Variants in LUZP2 observed in about 807,000 individuals in gnomAD.
LUZP2 encodes the protein leucine zipper protein 2.
Under a neutral mutation model 51.6 loss-of-function variants are expected in LUZP2, and 52 were observed. The ratio of observed to expected loss-of-function variants is 1.01; its 90% confidence interval spans 0.81 to 1.27. LUZP2 has a LOEUF of 1.27. Among genes scored for constraint, LUZP2 ranks in the 50% most tolerant of loss-of-function variants. LUZP2 has a pLI of 0.00. For missense variants in LUZP2, 436 were observed against 395.4 expected, an observed-to-expected ratio of 1.10 and a Z score of -0.87; for synonymous variants, 154 against 137.3, an observed-to-expected ratio of 1.12 and a Z score of -0.85.
chr11:24,640,564 A>T (rs1476273858), intron 1 of LUZP2, among the ~76,000 whole-genome samples: 1 of 151,932 alleles, frequency 6.6e-6, no homozygotes, highest in African/African-American at 2.4e-5. Flanking sequence ...TACAAAAGAT[A>T]AAATACTTTA....
At chr11:25,059,616 T>C (rs1308337645) in intron 10 of LUZP2, among the ~76,000 whole-genome samples, 2 of 152,194 alleles carry the variant, frequency 1.3e-5, no homozygotes. Flanking sequence ...CTGATGTTTC[T>C]GCCTTGAGGG....
chr11:24,744,727 G>A (rs1337299748), intron 4 of LUZP2, among the ~76,000 whole-genome samples: 2 of 151,910 alleles, frequency 1.3e-5, no homozygotes, highest in Admixed American at 6.6e-5. Context: ...TCTGATCTTG[G>A]TTATTTCCTT....
chr11:24,892,060 A>T (rs1261263461), intron 5 of LUZP2: 1 of 985,408 alleles, frequency 1.0e-6, no homozygotes, highest in Non-Finnish European at 1.2e-6. Flanking sequence ...CTGCTGTTCC[A>T]CTGGGAGCTG....
intron 7 of LUZP2, among the ~76,000 whole-genome samples, chr11:24,924,691 T>C (rs1419967043): frequency 6.6e-6 from 1 of 152,200 alleles, no homozygotes; most frequent in African/African-American, 2.4e-5. Context: ...CTTGGTTTTA[T>C]ACATTTTAGG....
chr11:25,030,917 A>T (rs1230813584), intron 9 of LUZP2, among the ~76,000 whole-genome samples: 707 of 18,598 alleles, frequency 0.038, 54 homozygotes, highest in African/African-American at 0.25. Context: ...TATATATTGT[A>T]TTATATATAT....
At chr11:24,875,163 A>T (rs2134276858) in intron 5 of LUZP2, among the ~76,000 whole-genome samples, 1 of 151,556 alleles carries the variant, frequency 6.6e-6, no homozygotes, top group East Asian at 2.0e-4. Flanking sequence ...CAGGTTAGTT[A>T]CATATGTATA....
intron 5 of LUZP2, among the ~76,000 whole-genome samples, chr11:24,863,502 G>A (rs1454196353): frequency 6.6e-6 from 1 of 151,856 alleles, no homozygotes; most frequent in Non-Finnish European, 1.5e-5. Flanking sequence ...GAGTAGGCAA[G>A]TGCATACAGA....
intron 5 of LUZP2, among the ~76,000 whole-genome samples, chr11:24,775,343 T>C (rs970160197): frequency 6.6e-6 from 1 of 150,700 alleles, no homozygotes; most frequent in Non-Finnish European, 1.5e-5. Flanking sequence ...GAATCCAATT[T>C]CAGGCCAGCT....
intron 1 of LUZP2, among the ~76,000 whole-genome samples, chr11:24,639,080 TCTTC>T (rs951257923): frequency 7.9e-5 from 12 of 151,820 alleles, no homozygotes; most frequent in Non-Finnish European, 1.6e-4. Context: ...TTTGGACATT[TCTTC>T]ATTTATTGAA....
intron 5 of LUZP2, among the ~76,000 whole-genome samples, chr11:24,812,364 C>T (rs1279886669): frequency 2.0e-5 from 3 of 152,046 alleles, no homozygotes; most frequent in African/African-American, 7.2e-5. Flanking sequence ...AAAAAGAAAA[C>T]TTCTTCAATT....
chr11:25,055,191 A>G (rs774966157), intron 10 of LUZP2, among the ~76,000 whole-genome samples: 2 of 151,108 alleles, frequency 1.3e-5, no homozygotes, highest in Non-Finnish European at 3.0e-5. Flanking sequence ...TTGTATTTTT[A>G]GTAGAGACGG....
At chr11:25,020,758 C>G (rs75731100) in intron 9 of LUZP2, among the ~76,000 whole-genome samples, 3 of 150,470 alleles carry the variant, frequency 2.0e-5, no homozygotes, top group African/African-American at 7.4e-5. Flanking sequence ...TTAGGACCCT[C>G]TAATAAATAA....
chr11:24,519,268 A>G (rs930917810), intron 1 of LUZP2, among the ~76,000 whole-genome samples: 1 of 152,114 alleles, frequency 6.6e-6, no homozygotes, highest in African/African-American at 2.4e-5. Context: ...AGGACTGTTA[A>G]CAGTACCCCT....
intron 9 of LUZP2, among the ~76,000 whole-genome samples, chr11:25,013,734 GTATT>G (rs911018315): frequency 7.3e-5 from 11 of 151,626 alleles, no homozygotes; most frequent in African/African-American, 1.5e-4. Context: ...TACATTAACT[GTATT>G]TATTTATTTA....
chr11:24,969,858 A>G (rs921030294), intron 7 of LUZP2, among the ~76,000 whole-genome samples: 1 of 152,138 alleles, frequency 6.6e-6, no homozygotes, highest in Non-Finnish European at 1.5e-5. Flanking sequence ...AGGCCAGTCC[A>G]TCTCATGACT....
At chr11:24,747,398 C>A (rs1003731019) in intron 4 of LUZP2, among the ~76,000 whole-genome samples, 7 of 152,076 alleles carry the variant, frequency 4.6e-5, no homozygotes, top group Non-Finnish European at 8.8e-5. Context: ...ATGATGTGAG[C>A]CATCTATGGG....
intron 1 of LUZP2, among the ~76,000 whole-genome samples, chr11:24,633,748 T>A (rs1854972069): frequency 6.6e-6 from 1 of 151,916 alleles, no homozygotes; most frequent in South Asian, 2.1e-4. Context: ...AATTAATATC[T>A]CAAGAGGTGG....
Position 24,711,399 on chromosome 11 carries a change from G to A in LUZP2, c.63-17770G>A, listed in dbSNP as rs994326947. Among the ~76,000 whole-genome samples, 174 of 152,102 alleles carry A rather than the reference G, an allele frequency of 1.1e-3. 1 individual carries two copies. Among genetic ancestry groups the A allele is most frequent in the Admixed American group, 1.4e-3 (22 of 15,294 alleles). On this transcript the variant is annotated intron_variant, in intron 1 of 11. Coordinates refer to ENST00000336930, the MANE Select transcript of LUZP2 (RefSeq NM_001009909.4). ...CGGGAGGCGGAGCTTGCAGTGAGCC[G>A]AGATGGTGTCACTGCACTCCAGCCT...
intron 9 of LUZP2, among the ~76,000 whole-genome samples, chr11:25,020,623 T>C (rs1857304127): frequency 6.6e-6 from 1 of 152,144 alleles, no homozygotes; most frequent in Non-Finnish European, 1.5e-5. Flanking sequence ...TCTGTTCAGT[T>C]TTGATTCTAC....
Sources: allele counts gnomAD v4.1 joint callset (sites outside exome capture counted in the v4.1 genomes callset), GRCh38; gene constraint gnomAD v4.1.1; transcripts MANE v1.5; gene names NCBI Gene and HGNC (gene_info 2026-07-23, HGNC 2026-07-21).